The following PNISR variants were observed in gnomAD, a reference collection of about 807,000 sequenced individuals.
PNISR encodes the protein arginine/serine-rich protein PNISR.
Under a neutral mutation model 93.4 loss-of-function variants are expected in PNISR, and 20 were observed. The ratio of observed to expected loss-of-function variants is 0.21; its 90% CI spans 0.15 to 0.31. PNISR has a LOEUF of 0.31. Among genes scored for constraint, PNISR ranks in the 10% least tolerant of loss-of-function variants. The pLI is 1.00. For synonymous variants in PNISR, 305 were observed against 306.5 expected, an observed-to-expected ratio of 0.99 and a Z score of 0.05; for missense variants, 893 against 985.4, an observed-to-expected ratio of 0.91 and a Z score of 1.25.
At chr6:99,419,865 G>C (rs1778305445) in intron 1 of PNISR, among the ~76,000 whole-genome samples, 1 of 151,790 alleles carries the variant, frequency 6.6e-6, no homozygotes, top group Non-Finnish European at 1.5e-5. Context: ...TTGTAATTTA[G>C]TAATTTTCTA....
At chr6:99,409,365 A>AT in intron 5 of PNISR, 21 bp from the exon 6 acceptor site, 2 of 1,609,210 alleles carry the variant, frequency 1.2e-6, no homozygotes, top group Non-Finnish European at 1.7e-6. Context: ...ATTGCAGTTT[A>AT]TTTTTTCTTC....
chr6:99,402,418 A>T, intron 11 of PNISR, 122 bp downstream of exon 11: 1 of 722,678 alleles, frequency 1.4e-6, no homozygotes, highest in Non-Finnish European at 2.0e-6. Flanking sequence ...CTTTAGTTTC[A>T]GTTATATCAC....
At chr6:99,419,893 T>G (rs1290180477) in intron 1 of PNISR, among the ~76,000 whole-genome samples, 1 of 151,880 alleles carries the variant, frequency 6.6e-6, no homozygotes, top group East Asian at 1.9e-4. Context: ...CTGCATTCTT[T>G]TTTTTTTTTG....
rs145632481 is a variant in PNISR, at chr6:99,425,238, T to C, written c.-135A>G. The stretch of plus-strand genomic sequence containing the variant: ...ACCCACTCTAGTTCGGGAACACCCT[T>C]GTCGCCGCCGTTCCGGTAACACCTC... On this transcript the variant is annotated 5_prime_UTR_variant, in exon 1 of 12. Coordinates refer to ENST00000369239, the MANE Select transcript of PNISR (RefSeq NM_032870.4). The C allele has an allele frequency of 3.0e-4, 369 of 1,232,162 alleles. 1 individual carries two copies. In the African/African-American group the frequency reaches 4.9e-3, roughly 16 times the overall value. The allele number at this position is 1,232,162 out of a possible 1,614,324, so 76.3% of individuals were successfully genotyped here.
At chr6:99,418,329 G>A (rs1334966965) in intron 1 of PNISR, among the ~76,000 whole-genome samples, 1 of 151,646 alleles carries the variant, frequency 6.6e-6, no homozygotes, top group Non-Finnish European at 1.5e-5. Flanking sequence ...TAGAGACGGG[G>A]TTTCACTATG....
At chr6:99,423,298 GGATAT>G (rs1778873269) in intron 1 of PNISR, among the ~76,000 whole-genome samples, 1 of 152,110 alleles carries the variant, frequency 6.6e-6, no homozygotes, top group East Asian at 1.9e-4. Context: ...AAGCCCATAA[GGATAT>G]GATAAAATAA....
chr6:99,400,132 T>C lies in PNISR; in HGVS notation c.*408A>G, dbSNP rs972313260. 6 of 159,598 alleles carry C rather than the reference T, an allele frequency of 3.8e-5. No individual in the cohort carries two copies. The highest frequency in any genetic ancestry group is 7.2e-5 in the African/African-American group (3 of 41,506). The allele number at this position is 159,598 out of a possible 1,614,324, so 9.9% of individuals were successfully genotyped here. A position where few individuals can be genotyped will look rare whatever the true frequency, so the allele number is the denominator to read the frequency against. On this transcript the variant is annotated 3_prime_UTR_variant, in exon 12 of 12. Transcript: ENST00000369239. ...TCCTATTAAGTAACTTGGAGCAGCA[T>C]TGGAAAAAGTACACCTATTTACAGA...
chr6:99,400,413 T>G lies in PNISR; in HGVS notation c.*127A>C. On this transcript the variant is annotated 3_prime_UTR_variant, in exon 12 of 12. Transcript: ENST00000369239. ...AATATTATATAGGATTTCTAACATT[T>G]AAGACTATGATTATTTATCAAGTAC... 3 of 1,311,464 alleles carry G rather than the reference T, an allele frequency of 2.3e-6. No individual in the cohort carries two copies. The highest frequency in any genetic ancestry group is 3.0e-6 in the Non-Finnish European group (3 of 1,009,456). The allele number at this position is 1,311,464 out of a possible 1,614,324, so 81.2% of individuals were successfully genotyped here.
At position 99,425,229 on chromosome 6, in the gene PNISR, G is replaced by A. The variant is rs1779351223; in HGVS notation, c.-126C>T. Reference sequence around the variant, plus strand: ...CCATCACTTACCCACTCTAGTTCGGGAACACCCTTGTCGCCGCCGTTCCGG... The same window carrying A: ...CCATCACTTACCCACTCTAGTTCGGAAACACCCTTGTCGCCGCCGTTCCGG... On this transcript the variant is annotated 5_prime_UTR_variant, in exon 1 of 12. Coordinates refer to ENST00000369239, the MANE Select transcript of PNISR (RefSeq NM_032870.4). 2.4e-6 allele frequency: 3 copies of A among 1,231,938 alleles called. No individual in the cohort carries two copies. The African/African-American group carries it at 4.7e-5, about 19-fold the overall frequency. 76.3% of individuals were successfully genotyped at this position (1,231,938 alleles called of 1,614,324 possible).
Position 99,412,652 on chromosome 6 carries a change from C to T in PNISR, c.176G>A (p.Gly59Glu), listed in dbSNP as rs767474086. 1 of 1,613,016 alleles carries T rather than the reference C, an allele frequency of 6.2e-7. No individual in the cohort carries two copies. The highest frequency in any genetic ancestry group is 1.1e-5 in the South Asian group (1 of 90,918). ...CATATCTTGTCCATTTGGCATCATT[C>T]CTGGTGGTTGTTCTACCATGCTTTG... Reference protein sequence around the residue: ...GQQSMVEQPPGMMPNGQDMST... With the variant: ...GQQSMVEQPPEMMPNGQDMST... Residue 59 changes from glycine (G) to glutamate (E), a missense_variant, in exon 4 of 12, where the codon GGA (glycine) becomes GAA (glutamate). Around this residue, in one of 3 missense-constraint regions of PNISR, gnomAD observed 866 missense variants for 935.1 expected, o/e 0.93. Coordinates refer to ENST00000369239, the MANE Select transcript of PNISR (RefSeq NM_032870.4).
intron 3 of PNISR, 105 bp downstream of exon 3, chr6:99,414,467 T>C: frequency 1.9e-6 from 1 of 526,488 alleles, no homozygotes; most frequent in East Asian, 3.1e-5. Context: ...CATAAAATGA[T>C]CCAGTACACC....
At position 99,408,154 on chromosome 6, in the gene PNISR, G is replaced by T. The variant is rs1200329504; in HGVS notation, c.791C>A (p.Ser264Tyr). The T allele has an allele frequency of 4.3e-6, 7 of 1,610,570 alleles. No individual in the cohort carries two copies. The highest frequency in any genetic ancestry group is 5.9e-6 in the Non-Finnish European group (7 of 1,178,820). The change falls in exon 7 of 12, where the codon TCC (serine) becomes TAC (tyrosine). Residue 264 changes from serine to tyrosine, a missense_variant. Physicochemically the swap from Ser to Tyr is moderately radical, Grantham distance 144 (BLOSUM62 -2). This residue lies in a region of PNISR where 866 missense variants were observed against 935.1 expected (regional missense o/e 0.93). Coordinates refer to ENST00000369239, the MANE Select transcript of PNISR (RefSeq NM_032870.4). The part of the protein sequence containing the change: ...ERMEQQRSQL[S>Y]KKEKKATEDA... ...TTCTGTGGCCTTTTTTTCTTTTTTGGACAATTGTGAACGTTGTTGTTCCAT... is the reference window on the plus strand; with the variant it reads ...TTCTGTGGCCTTTTTTTCTTTTTTGTACAATTGTGAACGTTGTTGTTCCAT...
In PNISR at chr6:99,400,306, G is replaced by A. The variant is rs1483635986; in HGVS notation, c.*234C>T. 2 of 1,073,032 alleles carry A rather than the reference G, an allele frequency of 1.9e-6. No homozygotes were observed. The highest frequency in any genetic ancestry group is 2.3e-6 in the Non-Finnish European group (2 of 883,204). 66.5% of individuals were successfully genotyped at this position (1,073,032 alleles called of 1,614,324 possible). A position where few individuals can be genotyped will look rare whatever the true frequency, so the allele number is the denominator to read the frequency against. On this transcript the variant is annotated 3_prime_UTR_variant, in exon 12 of 12. Transcript: ENST00000369239. ...TCAGCGTTTACGACGGGGAGGGGTTGTTGATCTGAAAAAAAAGGGAAAAGA... is the reference window on the plus strand; with the variant it reads ...TCAGCGTTTACGACGGGGAGGGGTTATTGATCTGAAAAAAAAGGGAAAAGA...
chr6:99,400,227 A>T lies in PNISR; in HGVS notation c.*313T>A. The T allele has an allele frequency of 1.7e-6, 1 of 581,114 alleles. No individual in the cohort carries two copies. The highest frequency in any genetic ancestry group is 2.2e-6 in the Non-Finnish European group (1 of 453,766). The allele number at this position is 581,114 out of a possible 1,614,324, so 36.0% of individuals were successfully genotyped here. A position where few individuals can be genotyped will look rare whatever the true frequency, so the allele number is the denominator to read the frequency against. On this transcript the variant is annotated 3_prime_UTR_variant, in exon 12 of 12. Coordinates refer to ENST00000369239, the MANE Select transcript of PNISR (RefSeq NM_032870.4). ...TGCCTCTATAATGAGACAAGCCCTTAAAACTCATGGAATTTTTTTAAAGAA... is the reference window on the plus strand; with the variant it reads ...TGCCTCTATAATGAGACAAGCCCTTTAAACTCATGGAATTTTTTTAAAGAA...
Position 99,403,819 on chromosome 6 carries a change from A to C in PNISR, c.1156+10T>G, listed in dbSNP as rs761532358. On this transcript the variant is annotated intron_variant, in intron 10 of 11. Transcript: ENST00000369239. ...CTTTAGGCCCTCTCACAAATATGGAAAACACTTACCGAGTCCAGTGAGGGA... is the reference window on the plus strand; with the variant it reads ...CTTTAGGCCCTCTCACAAATATGGACAACACTTACCGAGTCCAGTGAGGGA... 6.2e-7 allele frequency: 1 copy of C among 1,609,986 alleles called. No individual in the cohort carries two copies. Among genetic ancestry groups the C allele is most frequent in the South Asian group, 1.1e-5 (1 of 90,870 alleles).
At chr6:99,416,705 A>G (rs1283214566) in intron 1 of PNISR, among the ~76,000 whole-genome samples, 1 of 151,078 alleles carries the variant, frequency 6.6e-6, no homozygotes, top group Non-Finnish European at 1.5e-5. Flanking sequence ...CAATTTAGAG[A>G]TTGAGAAAAA....
intron 9 of PNISR, 87 bp downstream of exon 9, chr6:99,404,516 T>C (rs1775893486): frequency 1.3e-6 from 1 of 767,788 alleles, no homozygotes; most frequent in Non-Finnish European, 2.4e-6. Flanking sequence ...CTGGTAGAAA[T>C]CCAACAAGGA....
chr6:99,411,786 T>A (rs1490012598), intron 4 of PNISR: 1 of 155,120 alleles, frequency 6.4e-6, no homozygotes, highest in East Asian at 1.9e-4. Context: ...GACTAAGTTT[T>A]AAGGTTTTTT....
intron 2 of PNISR, chr6:99,415,913 A>G (rs1041349599): frequency 6.6e-6 from 1 of 152,528 alleles, no homozygotes; most frequent in Non-Finnish European, 1.5e-5. Context: ...CCAGAATGCC[A>G]TACAGGTATA....
Sources: allele counts gnomAD v4.1 joint callset (sites outside exome capture counted in the v4.1 genomes callset), GRCh38; gene constraint gnomAD v4.1.1; regional missense constraint gnomAD v4.1.1; transcripts MANE v1.5; gene names NCBI Gene and HGNC (gene_info 2026-07-23, HGNC 2026-07-21).